Variants in TSHZ3 observed in about 807,000 individuals in gnomAD.
TSHZ3 encodes teashirt zinc finger homeobox 3.
A neutral mutation model predicts 64.5 loss-of-function variants in TSHZ3; 10 were observed. The ratio of observed to expected loss-of-function variants is 0.16; its 90% CI spans 0.10 to 0.26. TSHZ3 has a LOEUF of 0.26. TSHZ3 is among the 10% of genes least tolerant of loss of function. TSHZ3 has a pLI of 1.00. For synonymous variants in TSHZ3, 608 were observed against 593.1 expected (o/e 1.03, Z -0.36); for missense variants, 1,242 against 1,421.7 (o/e 0.87, Z 2.03).
intron 1 of TSHZ3, among the ~76,000 whole-genome samples, chr19:31,267,984 C>T (rs532642987): frequency 6.6e-6 from 1 of 152,242 alleles, no homozygotes; most frequent in Non-Finnish European, 1.5e-5. Context: ...TTGTAGCTCC[C>T]ATAATCCCCA....
At chr19:31,285,095 C>A (rs1976432348) in intron 1 of TSHZ3, among the ~76,000 whole-genome samples, 1 of 152,150 alleles carries the variant, frequency 6.6e-6, no homozygotes, top group African/African-American at 2.4e-5. Flanking sequence ...CAGAACCCAC[C>A]ACCAAGGAAG....
At chr19:31,288,081 C>T (rs1188641834) in intron 1 of TSHZ3, among the ~76,000 whole-genome samples, 1 of 151,912 alleles carries the variant, frequency 6.6e-6, no homozygotes, top group Non-Finnish European at 1.5e-5. Flanking sequence ...ACTACAGGCA[C>T]TAGATACCTC....
intron 1 of TSHZ3, among the ~76,000 whole-genome samples, chr19:31,324,835 A>G (rs1054506070): frequency 1.1e-4 from 17 of 148,950 alleles, no homozygotes; most frequent in Non-Finnish European, 2.1e-4. Flanking sequence ...TTTTTTTTTT[A>G]TTTTTTCAAT....
At chr19:31,285,785 A>AT (rs2070857541) in intron 1 of TSHZ3, among the ~76,000 whole-genome samples, 1 of 104,866 alleles carries the variant, frequency 9.5e-6, no homozygotes, top group Non-Finnish European at 2.3e-5. Flanking sequence ...CTGTCTCAAA[A>AT]AAAAAAAAAA....
chr19:31,279,579 T>C lies in TSHZ3; in HGVS notation c.214A>G (p.Met72Val). Residue 72 changes from methionine to valine, a missense_variant, in exon 2 of 2, where the codon ATG becomes GTG. Met to Val is a conservative substitution (Grantham distance 21). This residue lies in a region of TSHZ3 where 555 missense variants were observed against 704.0 expected (regional missense o/e 0.79). Transcript: ENST00000240587. This position sits in a 1 kb window ranked among gnomAD's most constrained non-coding sequence, Gnocchi z 6.4. ...TCACTGATGTGTGACTCGCTGTCCA[T>C]TTCATGGCAGGAAAACTCGGCGGCC... ...SPAAEFSCHE[M>V]DSESHISETS... The C allele has an allele frequency of 6.2e-7, 1 of 1,611,720 alleles. No individual in the cohort carries two copies.
intron 5 of TSHZ3, chr19:31,195,526 C>T (rs1262690072): frequency 6.6e-6 from 1 of 150,792 alleles, no homozygotes; most frequent in East Asian, 1.9e-4. Flanking sequence ...GAGAAATAGA[C>T]TTTTTATACA....
chr19:31,313,970 T>C (rs1204008061), intron 1 of TSHZ3, among the ~76,000 whole-genome samples: 1 of 152,154 alleles, frequency 6.6e-6, no homozygotes, highest in Non-Finnish European at 1.5e-5. Context: ...AATACCTTCA[T>C]CTCGGGTAAT....
At chr19:31,179,475 C>T (rs1041211538) in intron 5 of TSHZ3, among the ~76,000 whole-genome samples, 4 of 152,170 alleles carry the variant, frequency 2.6e-5, no homozygotes. Context: ...TGGTCAGCTT[C>T]CTGGAGTACA....
intron 5 of TSHZ3, among the ~76,000 whole-genome samples, chr19:31,175,965 T>A (rs773488109): frequency 2.0e-5 from 3 of 152,196 alleles, no homozygotes; most frequent in Admixed American, 6.5e-5. Flanking sequence ...TTATTACTTC[T>A]CTGTAAAATG....
chr19:31,313,250 T>A (rs971328554), intron 1 of TSHZ3, among the ~76,000 whole-genome samples: 1 of 152,230 alleles, frequency 6.6e-6, no homozygotes, highest in Non-Finnish European at 1.5e-5. Flanking sequence ...GTCAGGTTTC[T>A]ATTAAAACCT....
chr19:31,217,451 A>G (rs1040484636), intron 4 of TSHZ3, among the ~76,000 whole-genome samples: 2 of 152,150 alleles, frequency 1.3e-5, no homozygotes, highest in Non-Finnish European at 2.9e-5. Flanking sequence ...AAGAAAAGGG[A>G]GGTCGTAATC....
chr19:31,333,011 G>A (rs948210494), intron 1 of TSHZ3, among the ~76,000 whole-genome samples: 3 of 152,008 alleles, frequency 2.0e-5, no homozygotes, highest in African/African-American at 7.2e-5. Flanking sequence ...AGGCTGAGGT[G>A]GGAGGACTGT....
At position 31,349,369 on chromosome 19, in the gene TSHZ3, G is replaced by T; in HGVS notation, c.-150C>A. 1 of 593,406 alleles carries T rather than the reference G, an allele frequency of 1.7e-6. No homozygotes were observed. The highest frequency in any genetic ancestry group is 2.0e-5 in the African/African-American group (1 of 50,958). 36.8% of individuals were successfully genotyped at this position (593,406 alleles called of 1,614,324 possible). A position where few individuals can be genotyped will look rare whatever the true frequency, so the allele number is the denominator to read the frequency against. ...GCGGCCGCCCGCAGGATGCTGCTGC[G>T]CCCAGGCTCTCCGCGTCCCCCCCGC... On this transcript the variant is annotated 5_prime_UTR_variant, in exon 1 of 2. Coordinates refer to ENST00000240587, the MANE Select transcript of TSHZ3 (RefSeq NM_020856.4).
chr19:31,329,367 A>AT (rs1428793902), intron 1 of TSHZ3, among the ~76,000 whole-genome samples: 1 of 152,268 alleles, frequency 6.6e-6, no homozygotes, highest in African/African-American at 2.4e-5. Context: ...GTTTACATTT[A>AT]TATCACGTTA....
At chr19:31,176,237 A>G (rs1235025471) in intron 5 of TSHZ3, among the ~76,000 whole-genome samples, 1 of 152,188 alleles carries the variant, frequency 6.6e-6, no homozygotes, top group Non-Finnish European at 1.5e-5. Context: ...AGTCCTGTAG[A>G]TCCATCCGGA....
intron 1 of TSHZ3, among the ~76,000 whole-genome samples, chr19:31,347,364 G>C (rs188526536): frequency 6.6e-6 from 1 of 152,208 alleles, no homozygotes; most frequent in Admixed American, 6.5e-5. Flanking sequence ...ATGAACTAGA[G>C]AGAGAGTTCT....
chr19:31,184,359 AC>A (rs1215076212), intron 5 of TSHZ3, among the ~76,000 whole-genome samples: 1 of 152,154 alleles, frequency 6.6e-6, no homozygotes, highest in East Asian at 1.9e-4. Context: ...GTGTTGAAAC[AC>A]CTTTTGGCCT....
intron 1 of TSHZ3, among the ~76,000 whole-genome samples, chr19:31,348,637 A>G (rs1477749604): frequency 6.6e-6 from 1 of 152,202 alleles, no homozygotes; most frequent in African/African-American, 2.4e-5. Context: ...CAGTCATCTG[A>G]CAATACCCAG....
intron 3 of TSHZ3, among the ~76,000 whole-genome samples, chr19:31,241,294 T>G (rs1462131880): frequency 6.6e-6 from 1 of 152,216 alleles, no homozygotes; most frequent in Non-Finnish European, 1.5e-5. Context: ...CAAACTCTTG[T>G]TGGGGCTTCA....
Sources: allele counts gnomAD v4.1 joint callset (sites outside exome capture counted in the v4.1 genomes callset), GRCh38; gene constraint gnomAD v4.1.1; regional missense constraint gnomAD v4.1.1; non-coding constraint Gnocchi (gnomAD v3.1); transcripts MANE v1.5; gene names NCBI Gene and HGNC (gene_info 2026-07-23, HGNC 2026-07-21).